POU2F1: variants seen among roughly 807,000 people sequenced by gnomAD.
POU2F1 encodes POU domain, class 2, transcription factor 1.
In POU2F1, 16 loss-of-function variants were observed where a neutral mutation model predicts 84.9. The ratio of observed to expected loss-of-function variants is 0.19; its 90% confidence interval spans 0.13 to 0.29. The LOEUF (loss-of-function observed/expected upper bound fraction) is 0.29. Ranked by LOEUF, POU2F1 falls within the 10% of genes least tolerant of loss-of-function variation. POU2F1 has a pLI of 1.00. For synonymous variants in POU2F1, 368 were observed against 368.3 expected (o/e 1.00, Z 0.01); for missense variants, 738 against 942.6 (o/e 0.78, Z 2.84).
intron 2 of POU2F1, among the ~76,000 whole-genome samples, chr1:167,340,527 A>G (rs1657777678): frequency 7.1e-6 from 1 of 139,978 alleles, no homozygotes; most frequent in African/African-American, 2.7e-5. Context: ...CACCTCCTGC[A>G]TTCATGAAGT....
chr1:167,269,940 C>T (rs1207552827), intron 1 of POU2F1, among the ~76,000 whole-genome samples: 5 of 149,698 alleles, frequency 3.3e-5, no homozygotes, highest in Non-Finnish European at 5.9e-5. Context: ...GAGTAAGAGT[C>T]GAACTTAGGA....
At chr1:167,244,269 GAT>G (rs1411407659) in intron 1 of POU2F1, among the ~76,000 whole-genome samples, 7 of 152,132 alleles carry the variant, frequency 4.6e-5, no homozygotes, top group African/African-American at 1.7e-4. Context: ...TTGCAATTAA[GAT>G]ATTGGTCAGA....
At chr1:167,310,615 C>T (rs907494611) in intron 1 of POU2F1, among the ~76,000 whole-genome samples, 2 of 151,890 alleles carry the variant, frequency 1.3e-5, no homozygotes, top group Admixed American at 6.6e-5. Flanking sequence ...TGTCCATGTA[C>T]GTAAAAATGT....
At chr1:167,361,942 C>CATGTCTCCTAATGTAGGTGCTCCTATT in intron 2 of POU2F1, among the ~76,000 whole-genome samples, 1 of 152,094 alleles carries the variant, frequency 6.6e-6, no homozygotes, top group South Asian at 2.1e-4. Flanking sequence ...TCTGTGTCTT[C>CATGTCTCCTAATGTAGGTGCTCCTATT]ATGTCTCCTA....
At chr1:167,353,372 CAAAG>C (rs988385608) in intron 2 of POU2F1, among the ~76,000 whole-genome samples, 13 of 147,616 alleles carry the variant, frequency 8.8e-5, no homozygotes, top group African/African-American at 3.3e-4. Context: ...TTGCATCTGA[CAAAG>C]AAATATCTCT....
In POU2F1 at chr1:167,364,663, C is replaced by T. The variant is rs574072555; in HGVS notation, c.128-804C>T. On this transcript the variant is annotated intron_variant, in intron 2 of 15. Transcript: ENST00000367866. The stretch of plus-strand genomic sequence containing the variant: ...CGTGATCTCGGCTCACTGCAACCTC[C>T]ACCTCCTGGGCTCAAGCCATTCTCC... 1.0e-4 allele frequency among the ~76,000 whole-genome samples: 15 copies of T among 150,544 alleles called. No homozygotes were observed. The East Asian group carries it at 3.0e-3, about 30-fold the overall frequency.
chr1:167,330,802 T>G (rs1440248869), intron 1 of POU2F1, among the ~76,000 whole-genome samples: 1 of 152,128 alleles, frequency 6.6e-6, no homozygotes, highest in Non-Finnish European at 1.5e-5. Context: ...TGTTAAGAAT[T>G]ATGCTTATTT....
intron 1 of POU2F1, among the ~76,000 whole-genome samples, chr1:167,256,944 G>T (rs1169914397): frequency 6.6e-6 from 1 of 152,152 alleles, no homozygotes; most frequent in Non-Finnish European, 1.5e-5. Context: ...CTGTCCGAAT[G>T]TGACTGTACC....
chr1:167,247,675 G>A (rs1169224662), intron 1 of POU2F1, among the ~76,000 whole-genome samples: 11 of 152,008 alleles, frequency 7.2e-5, no homozygotes, highest in Non-Finnish European at 1.6e-4. Flanking sequence ...GTTAACTTTG[G>A]TGTAGGAATT....
intron 1 of POU2F1, among the ~76,000 whole-genome samples, chr1:167,328,847 G>T (rs1359684074): frequency 6.6e-6 from 1 of 152,182 alleles, no homozygotes; most frequent in Non-Finnish European, 1.5e-5. Context: ...TAAATGAATT[G>T]TTCATGGACT....
chr1:167,316,498 G>A (rs1399156804), intron 1 of POU2F1, among the ~76,000 whole-genome samples: 2 of 152,190 alleles, frequency 1.3e-5, no homozygotes, highest in Admixed American at 6.5e-5. Flanking sequence ...ACAATACAGG[G>A]AAAAGAAGGG....
rs141873208 is a variant in POU2F1 at position 167,261,574 on chromosome 1, G to A, written c.61+40616G>A. Among the ~76,000 whole-genome samples, 32 of 152,314 alleles carry A rather than the reference G, an allele frequency of 2.1e-4. No individual in the cohort carries two copies. The East Asian group carries it at 6.0e-3, about 28-fold the overall frequency. ...TGCCCTCTAGCCAAGCTTCTGATAA[G>A]CATTTTGCATTGAGGATGACCAACT... is the stretch of plus-strand genomic sequence containing the variant. On this transcript the variant is annotated intron_variant, in intron 1 of 15. Transcript: ENST00000367866.
At chr1:167,237,940 C>T (rs897515326) in intron 1 of POU2F1, among the ~76,000 whole-genome samples, 3 of 151,178 alleles carry the variant, frequency 2.0e-5, no homozygotes, top group Non-Finnish European at 4.4e-5. Context: ...CCACCGCACC[C>T]GGCTAATTTT....
At chr1:167,339,031 C>A (rs1016137442) in intron 2 of POU2F1, among the ~76,000 whole-genome samples, 2 of 152,156 alleles carry the variant, frequency 1.3e-5, no homozygotes, top group Admixed American at 6.5e-5. Flanking sequence ...TTTATTTCTT[C>A]TGGAGGTACT....
intron 2 of POU2F1, among the ~76,000 whole-genome samples, chr1:167,351,975 C>T (rs1271336533): frequency 6.6e-6 from 1 of 152,192 alleles, no homozygotes; most frequent in Non-Finnish European, 1.5e-5. Flanking sequence ...TGTCCTCCCA[C>T]CGCAAAAATA....
intron 1 of POU2F1, among the ~76,000 whole-genome samples, chr1:167,268,980 G>A (rs1407705052): frequency 6.6e-6 from 1 of 152,170 alleles, no homozygotes; most frequent in Non-Finnish European, 1.5e-5. Flanking sequence ...TAACAAGACA[G>A]GCAGGTGGGA....
rs183092785 is a variant in POU2F1 at position 167,394,419 on chromosome 1, G to A, written c.988-1867G>A. ...ATATTTGTATACAGTATAATGGATA[G>A]CATTTATGCCCTGCTCACCACTGAT... On this transcript the variant is annotated intron_variant, in intron 9 of 15. Transcript: ENST00000367866. Among the ~76,000 whole-genome samples the A allele has an allele frequency of 1.1e-3, 172 of 152,270 alleles. 2 individuals carry two copies. The highest frequency in any genetic ancestry group is 3.8e-3 in the African/African-American group (158 of 41,548).
intron 1 of POU2F1, among the ~76,000 whole-genome samples, chr1:167,248,339 T>C (rs1335125627): frequency 6.6e-6 from 1 of 152,250 alleles, no homozygotes; most frequent in Non-Finnish European, 1.5e-5. Context: ...TATCGTCTAA[T>C]TTCCATCAGG....
At chr1:167,310,742 G>A (rs1011427409) in intron 1 of POU2F1, among the ~76,000 whole-genome samples, 1 of 152,066 alleles carries the variant, frequency 6.6e-6, no homozygotes, top group Non-Finnish European at 1.5e-5. Flanking sequence ...GAGTAATTAT[G>A]GACACACTTG....
Sources: allele counts gnomAD v4.1 joint callset (sites outside exome capture counted in the v4.1 genomes callset), GRCh38; gene constraint gnomAD v4.1.1; transcripts MANE v1.5; gene names NCBI Gene and HGNC (gene_info 2026-07-23, HGNC 2026-07-21).